The following NF2 variants were observed in gnomAD, a reference collection of about 807,000 sequenced individuals.
The protein encoded by NF2 is merlin.
In NF2, 8 loss-of-function variants were observed where a neutral mutation model predicts 83.7. The ratio of observed to expected loss-of-function variants is 0.10; its 90% CI spans 0.06 to 0.17. The LOEUF (loss-of-function observed/expected upper bound fraction) is 0.17, where lower values mean the gene tolerates loss of function less well. Ranked by LOEUF, NF2 falls within the 10% of genes least tolerant of loss-of-function variation. NF2 has a pLI of 1.00. For missense variants in NF2, 533 were observed against 744.4 expected, an observed-to-expected ratio of 0.72 and a Z score of 3.31; for synonymous variants, 266 against 269.6, an observed-to-expected ratio of 0.99 and a Z score of 0.13.
At chr22:29,675,032 G>T in intron 13 of NF2, 91 bp downstream of exon 13, 1 of 1,115,570 alleles carries the variant, frequency 9.0e-7, no homozygotes, top group Non-Finnish European at 1.3e-6. Flanking sequence ...GGTGCCTTCA[G>T]GGTGACCATT....
chr22:29,647,501 G>A (rs2066014755), intron 4 of NF2, among the ~76,000 whole-genome samples: 1 of 152,178 alleles, frequency 6.6e-6, no homozygotes, highest in Non-Finnish European at 1.5e-5. Flanking sequence ...ATTGGAGTGA[G>A]ACAACTTTGG....
At chr22:29,643,801 T>C (rs1205648136) in intron 4 of NF2, among the ~76,000 whole-genome samples, 6 of 151,964 alleles carry the variant, frequency 3.9e-5, no homozygotes, top group African/African-American at 1.5e-4. Flanking sequence ...CAATGAGCTG[T>C]TGGGCACACC....
At position 29,636,105 on chromosome 22, in the gene NF2, C is replaced by T. The variant is rs1007011801; in HGVS notation, c.115-646C>T. ...ACACTACAGTATATTGATATCTATT[C>T]GTCACCTGGGTTTAGATACCAGGAG... On this transcript the variant is annotated intron_variant, in intron 1 of 15. Transcript: ENST00000338641. This position sits in a 1 kb window ranked among gnomAD's most constrained non-coding sequence, Gnocchi z 4.4. Among the ~76,000 whole-genome samples the T allele has an allele frequency of 6.6e-6, 1 of 152,104 alleles. No individual in the cohort carries two copies. The highest frequency in any genetic ancestry group is 2.1e-4 in the South Asian group (1 of 4,820).
At chr22:29,608,172 C>CAAAA (rs570144418) in intron 1 of NF2, among the ~76,000 whole-genome samples, 12 of 31,712 alleles carry the variant, frequency 3.8e-4, no homozygotes, top group Admixed American at 1.2e-3. Flanking sequence ...GACTCTGTCT[C>CAAAA]AAAAAAAAAA....
At chr22:29,631,535 G>A (rs1279271524) in intron 1 of NF2, among the ~76,000 whole-genome samples, 2 of 152,188 alleles carry the variant, frequency 1.3e-5, no homozygotes, top group Non-Finnish European at 2.9e-5. Flanking sequence ...TGACCAGGAC[G>A]TAGTGGATGC....
chr22:29,644,961 G>T (rs2065943679), intron 4 of NF2, among the ~76,000 whole-genome samples: 1 of 152,128 alleles, frequency 6.6e-6, no homozygotes, highest in Admixed American at 6.5e-5. Context: ...TGGGGAGAGG[G>T]AGAGGGAGAG....
intron 1 of NF2, among the ~76,000 whole-genome samples, chr22:29,613,461 G>A (rs1354641304): frequency 1.3e-5 from 2 of 152,178 alleles, no homozygotes; most frequent in Non-Finnish European, 2.9e-5. Flanking sequence ...AACCCAGGAG[G>A]TGGAGGTTGC....
chr22:29,676,940 C>G (rs2066981015), intron 13 of NF2, among the ~76,000 whole-genome samples: 2 of 125,076 alleles, frequency 1.6e-5, no homozygotes, highest in Admixed American at 1.6e-4. Flanking sequence ...CTGAACATAC[C>G]CATGTACCCA....
At chr22:29,630,768 C>T (rs748465415) in intron 1 of NF2, among the ~76,000 whole-genome samples, 1 of 152,186 alleles carries the variant, frequency 6.6e-6, no homozygotes, top group Non-Finnish European at 1.5e-5. Flanking sequence ...CGTGGTGGAT[C>T]CAGAGCAGTT....
intron 10 of NF2, among the ~76,000 whole-genome samples, chr22:29,669,704 G>A (rs2066725715): frequency 6.6e-6 from 1 of 152,196 alleles, no homozygotes; most frequent in South Asian, 2.1e-4. Context: ...ACTGCTTACA[G>A]CACAGCAGAG....
intron 15 of NF2, among the ~76,000 whole-genome samples, chr22:29,685,472 AC>A (rs1246083557): frequency 6.6e-6 from 1 of 150,658 alleles, no homozygotes; most frequent in African/African-American, 2.5e-5. Flanking sequence ...TCACTCTGTC[AC>A]CCACCTTGGT....
At chr22:29,655,961 C>G (rs1055297392) in intron 6 of NF2, among the ~76,000 whole-genome samples, 1 of 148,956 alleles carries the variant, frequency 6.7e-6, no homozygotes, top group African/African-American at 2.5e-5. Context: ...TTTTTTGAGA[C>G]AGAGTCTTGC....
intron 1 of NF2, among the ~76,000 whole-genome samples, chr22:29,605,444 G>C (rs1338407434): frequency 6.6e-6 from 1 of 151,816 alleles, no homozygotes; most frequent in South Asian, 2.1e-4. Flanking sequence ...AAAGTGGTGC[G>C]ATTACAGATG....
intron 15 of NF2, chr22:29,683,820 C>T (rs2067210270): frequency 1.9e-6 from 2 of 1,059,936 alleles, no homozygotes; most frequent in Non-Finnish European, 2.3e-6. Flanking sequence ...CGAATGTTTG[C>T]TGCTTTTCTC....
intron 4 of NF2, among the ~76,000 whole-genome samples, chr22:29,644,300 C>G: frequency 6.9e-6 from 1 of 144,392 alleles, no homozygotes. Flanking sequence ...GGGGCAGAGG[C>G]GCTCCCCACA....
rs1397750712 is a variant in NF2 at position 29,668,383 on chromosome 22, A to G, written c.936A>G (p.Lys312=). 6.2e-7 allele frequency: 1 copy of G among 1,613,968 alleles called. No individual in the cohort carries two copies. The highest frequency in any genetic ancestry group is 1.1e-5 in the South Asian group (1 of 91,074). Residue 312 remains lysine, a synonymous_variant, in exon 10 of 16, where the codon AAA becomes AAG. Transcript: ENST00000338641. ...ATGATCTATTTATGAGGAGAAGGAA[A>G]GCCGATTCTTTGGAAGTTCAGCAGA... is the stretch of plus-strand genomic sequence containing the variant. ...GNHDLFMRRR[K]ADSLEVQQMK...
intron 1 of NF2, among the ~76,000 whole-genome samples, chr22:29,632,865 T>A (rs2065552523): frequency 6.6e-6 from 1 of 152,186 alleles, no homozygotes; most frequent in Admixed American, 6.5e-5. Flanking sequence ...AGTGAGTCAC[T>A]TCACAGCATC....
chr22:29,623,760 A>C (rs548804198), intron 1 of NF2, among the ~76,000 whole-genome samples: 1 of 152,246 alleles, frequency 6.6e-6, no homozygotes, highest in African/African-American at 2.4e-5. Flanking sequence ...TAAAATCATC[A>C]AGATCCCTAA....
At chr22:29,613,634 T>A (rs1601535496) in intron 1 of NF2, among the ~76,000 whole-genome samples, 1 of 151,944 alleles carries the variant, frequency 6.6e-6, no homozygotes, top group East Asian at 1.9e-4. Flanking sequence ...TGGAATAGAG[T>A]TGAGAGTTCA....
Sources: allele counts gnomAD v4.1 joint callset (sites outside exome capture counted in the v4.1 genomes callset), GRCh38; gene constraint gnomAD v4.1.1; non-coding constraint Gnocchi (gnomAD v3.1); transcripts MANE v1.5; gene names NCBI Gene and HGNC (gene_info 2026-07-23, HGNC 2026-07-21).